The following RIC8B variants were observed in gnomAD, a reference collection of about 807,000 sequenced individuals.
RIC8B encodes chaperone Ric-8B.
A neutral mutation model predicts 57.5 loss-of-function variants in RIC8B; 16 were observed. The observed-to-expected ratio is 0.28, with a 90% CI of 0.19 to 0.42. The LOEUF (loss-of-function observed/expected upper bound fraction) is 0.42, where lower values mean the gene tolerates loss of function less well. RIC8B is among the 10% of genes least tolerant of loss of function. The probability of loss-of-function intolerance (pLI) is 1.00; values close to 1 mark genes in which losing one functional copy is unlikely to be tolerated. For synonymous variants in RIC8B, 216 were observed against 250.8 expected (o/e 0.86, Z 1.31); for missense variants, 481 against 677.0 (o/e 0.71, Z 3.21).
Position 106,879,844 on chromosome 12 carries a change from C to T in RIC8B, c.1572-6060C>T. Reference sequence around the variant, plus strand: ...ATCAGATGAGAAGCCCGCCATGATACTGTCACAGTGCCTAGAATGGGCTCT... The same window carrying T: ...ATCAGATGAGAAGCCCGCCATGATATTGTCACAGTGCCTAGAATGGGCTCT... On this transcript the variant is annotated intron_variant, in intron 9 of 9. Transcript: ENST00000392837. The surrounding 1 kb of genome is among the most constrained non-coding windows in gnomAD (Gnocchi z 4.9). The T allele has an allele frequency of 1.0e-6, 1 of 985,440 alleles. No individual in the cohort carries two copies. The highest frequency in any genetic ancestry group is 1.2e-6 in the Non-Finnish European group (1 of 829,936). The allele number at this position is 985,440 out of a possible 1,614,324, so 61.0% of individuals were successfully genotyped here.
intron 9 of RIC8B, among the ~76,000 whole-genome samples, chr12:106,874,248 G>A (rs1438451194): frequency 1.3e-5 from 2 of 152,314 alleles, no homozygotes; most frequent in East Asian, 3.9e-4. Flanking sequence ...TCATCACCCT[G>A]TCAGCATTGT....
chr12:106,846,812 C>A (rs1949212763), intron 6 of RIC8B, among the ~76,000 whole-genome samples: 1 of 151,468 alleles, frequency 6.6e-6, no homozygotes, highest in African/African-American at 2.4e-5. Context: ...ATTATGTGAC[C>A]CACTGTCTGT....
At chr12:106,787,107 CT>C (rs1399651429) in intron 2 of RIC8B, among the ~76,000 whole-genome samples, 1 of 152,178 alleles carries the variant, frequency 6.6e-6, no homozygotes, top group East Asian at 1.9e-4. Context: ...TTTCAAAGTA[CT>C]GTCTTTTTCT....
chr12:106,834,347 T>C (rs907569015), intron 4 of RIC8B, among the ~76,000 whole-genome samples: 3 of 152,236 alleles, frequency 2.0e-5, no homozygotes, highest in Non-Finnish European at 4.4e-5. Flanking sequence ...ATAGGAATTA[T>C]TTAAAACAGT....
At chr12:106,881,565 T>C (rs1249977826) in intron 9 of RIC8B, among the ~76,000 whole-genome samples, 2 of 152,066 alleles carry the variant, frequency 1.3e-5, no homozygotes, top group Non-Finnish European at 2.9e-5. Context: ...CCCTCTCACA[T>C]GTGCATAGCC....
chr12:106,810,874 A>G (rs552617020), intron 2 of RIC8B, among the ~76,000 whole-genome samples: 1 of 152,360 alleles, frequency 6.6e-6, no homozygotes, highest in East Asian at 1.9e-4. Context: ...TACATGCACG[A>G]TCTCATTTAA....
intron 2 of RIC8B, among the ~76,000 whole-genome samples, chr12:106,795,019 G>A (rs2044414909): frequency 6.6e-6 from 1 of 152,168 alleles, no homozygotes; most frequent in Non-Finnish European, 1.5e-5. Flanking sequence ...GTGAATGGGA[G>A]CAAAGCTGTA....
intron 6 of RIC8B, among the ~76,000 whole-genome samples, chr12:106,849,959 A>G (rs895435288): frequency 6.6e-6 from 1 of 152,200 alleles, no homozygotes; most frequent in Non-Finnish European, 1.5e-5. Context: ...GGGGTCCCCA[A>G]CCCCAGGGCC....
intron 4 of RIC8B, among the ~76,000 whole-genome samples, chr12:106,829,542 G>C (rs1269418202): frequency 6.6e-6 from 1 of 152,192 alleles, no homozygotes; most frequent in African/African-American, 2.4e-5. Context: ...GGACAATATA[G>C]TACATAATAC....
At chr12:106,852,812 T>C (rs138919357) in intron 7 of RIC8B, among the ~76,000 whole-genome samples, 2 of 152,362 alleles carry the variant, frequency 1.3e-5, no homozygotes, top group Non-Finnish European at 2.9e-5. Context: ...ACTTCTTCTT[T>C]AATGACTTTG....
At chr12:106,859,888 C>G (rs1949857751) in intron 7 of RIC8B, among the ~76,000 whole-genome samples, 1 of 152,070 alleles carries the variant, frequency 6.6e-6, no homozygotes, top group African/African-American at 2.4e-5. Flanking sequence ...TTGCTAAAGT[C>G]CCAATCTGAC....
intron 7 of RIC8B, among the ~76,000 whole-genome samples, chr12:106,855,425 A>G (rs1221810251): frequency 8.8e-5 from 1 of 11,336 alleles, no homozygotes; most frequent in Non-Finnish European, 1.3e-4. Context: ...ACTGCTTAAC[A>G]TCTTGAAAAA....
intron 9 of RIC8B, among the ~76,000 whole-genome samples, chr12:106,880,544 GC>G (rs1950876641): frequency 6.6e-6 from 1 of 152,046 alleles, no homozygotes; most frequent in Non-Finnish European, 1.5e-5. Flanking sequence ...GTCTTCTGAT[GC>G]CCCATATGGA....
intron 6 of RIC8B, among the ~76,000 whole-genome samples, chr12:106,850,489 T>C (rs1216847791): frequency 6.6e-6 from 1 of 152,138 alleles, no homozygotes; most frequent in Non-Finnish European, 1.5e-5. Flanking sequence ...GGTGGATGAA[T>C]GGGTGAGTGA....
intron 2 of RIC8B, among the ~76,000 whole-genome samples, chr12:106,812,388 T>C (rs2045372773): frequency 1.3e-5 from 2 of 152,300 alleles, no homozygotes; most frequent in South Asian, 2.1e-4. Flanking sequence ...GCTCTGCTCT[T>C]TTTCTTTCTT....
intron 3 of RIC8B, among the ~76,000 whole-genome samples, chr12:106,817,756 C>T (rs531483790): frequency 5.4e-5 from 8 of 147,600 alleles, no homozygotes; most frequent in African/African-American, 2.0e-4. Context: ...ACCCGGGAGG[C>T]GGAGCTTGCA....
chr12:106,887,217 T>C lies in RIC8B; in HGVS notation c.*1202T>C, dbSNP rs1951218751. ...GTACATACATTCATATATATACATA[T>C]ATACATAATGTGCTTAACCACTGCC... On this transcript the variant is annotated 3_prime_UTR_variant, in exon 10 of 10. Transcript: ENST00000392837. 1 of 152,632 alleles carries C rather than the reference T, an allele frequency of 6.6e-6. No individual in the cohort carries two copies. The highest frequency in any genetic ancestry group is 6.5e-5 in the Admixed American group (1 of 15,284). The allele number at this position is 152,632 out of a possible 1,614,324, so 9.5% of individuals were successfully genotyped here.
intron 1 of RIC8B, among the ~76,000 whole-genome samples, chr12:106,778,968 C>T (rs1057457031): frequency 3.9e-5 from 6 of 152,178 alleles, no homozygotes; most frequent in Middle Eastern, 3.2e-3. Context: ...GGCTGGAGTG[C>T]AATGGCGCGA....
chr12:106,829,454 G>A (rs1306510456), intron 4 of RIC8B, among the ~76,000 whole-genome samples: 2 of 152,118 alleles, frequency 1.3e-5, no homozygotes, highest in Non-Finnish European at 2.9e-5. Context: ...TTTACTCACT[G>A]AGTACATTGG....
Sources: allele counts gnomAD v4.1 joint callset (sites outside exome capture counted in the v4.1 genomes callset), GRCh38; gene constraint gnomAD v4.1.1; non-coding constraint Gnocchi (gnomAD v3.1); transcripts MANE v1.5; gene names NCBI Gene and HGNC (gene_info 2026-07-23, HGNC 2026-07-21).